LIG3: variants seen among roughly 807,000 people sequenced by gnomAD.
LIG3 encodes ligase II, DNA, ATP-dependent.
LIG3 carries 58 observed loss-of-function variants against 110.9 expected under a neutral mutation model. That is an observed-to-expected ratio of 0.52 (90% CI 0.42 to 0.65). The LOEUF (loss-of-function observed/expected upper bound fraction) is 0.65. LIG3 is among the 30% of genes least tolerant of loss of function. The probability of loss-of-function intolerance (pLI) is 0.00; values close to 1 mark genes in which losing one functional copy is unlikely to be tolerated. For synonymous variants in LIG3, 422 were observed against 472.8 expected (o/e 0.89, Z 1.39); for missense variants, 1,094 against 1,273.8 (o/e 0.86, Z 2.15).
In LIG3 at chr17:35,002,767, A is replaced by C. The variant is rs549899201; in HGVS notation, c.2774A>C (p.Asp925Ala). Residue 925 changes from aspartate to alanine, a missense_variant, in exon 19 of 20, where the codon GAT becomes GCT. Asp to Ala is a moderately radical substitution (Grantham distance 126). Coordinates refer to ENST00000378526, the MANE Select transcript of LIG3 (RefSeq NM_013975.4). ...VKVGEKRKAA[D>A]ETLCQTKVLL... ...GTAGGGGAGAAGCGGAAAGCTGCTG[A>C]TGAGACGCTGTGCCAAACAAAGGTG... 1.4e-5 allele frequency: 23 copies of C among 1,608,194 alleles called. No homozygotes were observed. In the African/African-American group the frequency reaches 1.5e-4, roughly 10 times the overall value.
intron 3 of LIG3, among the ~76,000 whole-genome samples, chr17:34,987,265 G>A (rs2090666296): frequency 6.6e-6 from 1 of 152,242 alleles, no homozygotes; most frequent in African/African-American, 2.4e-5. Context: ...TAAACAGACA[G>A]CATTGGACTA....
rs376390996 is a variant in LIG3, at chr17:34,998,459, G to A, written c.1990-145G>A. 1.7e-5 allele frequency: 19 copies of A among 1,140,656 alleles called. No homozygotes were observed. The African/African-American group carries it at 2.5e-4, about 15-fold the overall frequency. The allele number at this position is 1,140,656 out of a possible 1,614,324, so 70.7% of individuals were successfully genotyped here. ...TCCTGGATCTGGAGGACTGCTTTGT[G>A]TGTCTCCTATAGTGCCTGGAGCCTG... On this transcript the variant is annotated intron_variant, in intron 13 of 19. Coordinates refer to ENST00000378526, the MANE Select transcript of LIG3 (RefSeq NM_013975.4).
intron 3 of LIG3, among the ~76,000 whole-genome samples, chr17:34,988,353 G>T (rs1330758984): frequency 6.6e-6 from 1 of 152,082 alleles, no homozygotes; most frequent in Non-Finnish European, 1.5e-5. Flanking sequence ...GAAAGAGAGT[G>T]TTTTAGTTCT....
intron 19 of LIG3, 25 bp from the exon 20 acceptor site, chr17:35,004,248 C>G: frequency 1.3e-6 from 2 of 1,586,194 alleles, no homozygotes; most frequent in South Asian, 2.2e-5. Context: ...GGTCTGACCC[C>G]ACCCTGACCC....
intron 1 of LIG3, chr17:34,981,006 C>T (rs2090583379): frequency 1.3e-5 from 2 of 152,188 alleles, no homozygotes; most frequent in Non-Finnish European, 1.5e-5. Flanking sequence ...AGGAGCGCTC[C>T]TTTCTGCCTC....
chr17:34,992,372 C>A, intron 7 of LIG3, 152 bp from the exon 8 acceptor site: 1 of 919,008 alleles, frequency 1.1e-6, no homozygotes, highest in Non-Finnish European at 1.6e-6. Flanking sequence ...TTTCCAAGAG[C>A]TTTCTCTCCT....
At chr17:34,997,997 A>G (rs944330816) in intron 12 of LIG3, 172 bp downstream of exon 12, 2 of 661,754 alleles carry the variant, frequency 3.0e-6, no homozygotes, top group African/African-American at 1.8e-5. Context: ...CCAGAAGGGT[A>G]GGGCATGGAA....
At position 35,004,387 on chromosome 17, in the gene LIG3, G is replaced by A. The variant is rs1420590701; in HGVS notation, c.2911G>A (p.Asp971Asn). ...CGACGGGGACCTGGTACAGGAATTT[G>A]ATATGACTTCAGCCACGCACGTGCT... ...AFDGDLVQEF[D>N]MTSATHVLGS... The change falls in exon 20 of 20, where the codon GAT becomes AAT. Residue 971 changes from aspartate to asparagine, a missense_variant. Coordinates refer to ENST00000378526, the MANE Select transcript of LIG3 (RefSeq NM_013975.4). 3 of 1,614,100 alleles carry A rather than the reference G, an allele frequency of 1.9e-6. No homozygotes were observed. The highest frequency in any genetic ancestry group is 2.5e-6 in the Non-Finnish European group (3 of 1,180,052).
chr17:35,003,494 T>C (rs545173340), intron 19 of LIG3: 1 of 177,360 alleles, frequency 5.6e-6, no homozygotes, highest in East Asian at 1.5e-4. Flanking sequence ...TTTGTATTTT[T>C]AGTAGAGACG....
In LIG3 at chr17:34,992,539, C is replaced by G. The variant is rs775193689; in HGVS notation, c.1302C>G (p.Asp434Glu). The G allele has an allele frequency of 6.2e-7, 1 of 1,603,508 alleles. No homozygotes were observed. Among genetic ancestry groups the G allele is most frequent in the Non-Finnish European group, 8.5e-7 (1 of 1,175,380 alleles). The change falls in exon 8 of 20, where the codon GAC becomes GAG. Residue 434 changes from aspartate (D) to glutamate (E), a missense_variant. By Grantham distance (45) the Asp-to-Glu change is conservative. Transcript: ENST00000378526. ...CCCTTGGCAGGTTAGACGCCCTTGA[C>G]CCCAATGCCTATGAAGCCTTCAAAG... ...SGAKHVLDALDPNAYEAFKAS... is the reference protein window; with the variant it reads ...SGAKHVLDALEPNAYEAFKAS...
intron 11 of LIG3, chr17:34,997,128 G>C (rs2142270843): frequency 6.0e-6 from 1 of 165,776 alleles, no homozygotes; most frequent in East Asian, 1.6e-4. Flanking sequence ...TTATAGGGGA[G>C]GCCATGGGTG....
intron 16 of LIG3, 35 bp downstream of exon 16, chr17:34,999,891 T>TTCTATGAGCTGG: frequency 6.5e-7 from 1 of 1,536,262 alleles, no homozygotes; most frequent in Non-Finnish European, 9.0e-7. Flanking sequence ...CTCCAGCTCA[T>TTCTATGAGCTGG]AGAATTAGCT....
rs986147685 is a variant in LIG3, at chr17:34,997,882, ACTC to A, written c.1911+60_1911+62del. The stretch of plus-strand genomic sequence containing the variant: ...TAGAAGTTTGAAAGCAGGGCAGAGA[ACTC>A]CTTGGGTCAACTGCGACTGGAAGAA... On this transcript the variant is annotated intron_variant, in intron 12 of 19. Coordinates refer to ENST00000378526, the MANE Select transcript of LIG3 (RefSeq NM_013975.4). 6.8e-5 allele frequency: 88 copies of A among 1,297,222 alleles called. No homozygotes were observed. In the African/African-American group the frequency reaches 9.9e-4, roughly 15 times the overall value. The allele number at this position is 1,297,222 out of a possible 1,614,324, so 80.4% of individuals were successfully genotyped here.
At chr17:34,986,437 T>G (rs1303101027) in intron 3 of LIG3, among the ~76,000 whole-genome samples, 1 of 152,152 alleles carries the variant, frequency 6.6e-6, no homozygotes, top group Non-Finnish European at 1.5e-5. Flanking sequence ...TTCTCCCACC[T>G]CAGCCTCCCA....
intron 1 of LIG3, among the ~76,000 whole-genome samples, chr17:34,981,914 A>T (rs960777658): frequency 1.3e-5 from 2 of 152,242 alleles, no homozygotes; most frequent in South Asian, 2.1e-4. Flanking sequence ...CAGTGACTTC[A>T]GCATTCTCTG....
intron 3 of LIG3, among the ~76,000 whole-genome samples, chr17:34,987,899 A>T (rs929211434): frequency 1.3e-5 from 2 of 152,136 alleles, no homozygotes; most frequent in African/African-American, 4.8e-5. Context: ...GATTTTTATT[A>T]TTTAAAAATT....
Position 35,005,712 on chromosome 17 carries a change from A to T in LIG3, c.*1206A>T. ...TTTCATGGCTGGAGTATTCATGTGAATGAAACTGCCGGGCTATCTGATGGG... is the reference window on the plus strand; with the variant it reads ...TTTCATGGCTGGAGTATTCATGTGATTGAAACTGCCGGGCTATCTGATGGG... On this transcript the variant is annotated 3_prime_UTR_variant, in exon 20 of 20. Coordinates refer to ENST00000378526, the MANE Select transcript of LIG3 (RefSeq NM_013975.4). The T allele has an allele frequency of 3.6e-6, 2 of 561,360 alleles. No individual in the cohort carries two copies. 34.8% of individuals were successfully genotyped at this position (561,360 alleles called of 1,614,324 possible). A position where few individuals can be genotyped will look rare whatever the true frequency, so the allele number is the denominator to read the frequency against.
chr17:34,997,587 T>C (rs920115199), intron 11 of LIG3, 151 bp from the exon 12 acceptor site: 81 of 627,310 alleles, frequency 1.3e-4, no homozygotes, highest in Non-Finnish European at 2.1e-4. Context: ...CTTGTAGCCC[T>C]TGACAGCAGA....
chr17:34,994,256 T>C lies in LIG3; in HGVS notation c.1456-20T>C, dbSNP rs1363461498. 1.2e-6 allele frequency: 2 copies of C among 1,605,766 alleles called. No individual in the cohort carries two copies. Among genetic ancestry groups the C allele is most frequent in the East Asian group, 4.5e-5 (2 of 44,652 alleles). ...AGCCCCTCATTGAAAGTCTCCAGGC[T>C]TTGCTTTCCCCACCCCAAGGCGGAG... On this transcript the variant is annotated intron_variant, in intron 8 of 19. Coordinates refer to ENST00000378526, the MANE Select transcript of LIG3 (RefSeq NM_013975.4).
Sources: allele counts gnomAD v4.1 joint callset (sites outside exome capture counted in the v4.1 genomes callset), GRCh38; gene constraint gnomAD v4.1.1; transcripts MANE v1.5; gene names NCBI Gene and HGNC (gene_info 2026-07-23, HGNC 2026-07-21).